The following MLXIP variants were observed in gnomAD, a reference collection of about 807,000 sequenced individuals.
MLXIP encodes the protein MLX-interacting protein.
A neutral mutation model predicts 87.2 loss-of-function variants in MLXIP; 30 were observed. That is an observed-to-expected ratio of 0.34 (90% CI 0.26 to 0.47). MLXIP has a LOEUF of 0.47. MLXIP is among the 20% of genes least tolerant of loss of function. The probability of loss-of-function intolerance (pLI) is 1.00; values close to 1 mark genes in which losing one functional copy is unlikely to be tolerated. For synonymous variants in MLXIP, 530 were observed against 514.0 expected, an observed-to-expected ratio of 1.03 and a Z score of -0.42; for missense variants, 1,002 against 1,240.1, an observed-to-expected ratio of 0.81 and a Z score of 2.88.
rs1315411715 is a variant in MLXIP at position 122,092,727 on chromosome 12, GGAT to G, written c.413+13463_413+13465del. ...GGACTGTTTGCATAGGGTAATTTTG[GGAT>G]GGGGGAAAGGGACAATACTTTGAAC... On this transcript the variant is annotated intron_variant, in intron 1 of 16. Coordinates refer to ENST00000319080, the MANE Select transcript of MLXIP (RefSeq NM_014938.6). 5.9e-5 allele frequency among the ~76,000 whole-genome samples: 9 copies of G among 152,150 alleles called. 1 individual carries two copies. The highest frequency in any genetic ancestry group is 3.9e-4 in the Admixed American group (6 of 15,272).
At chr12:122,113,801 C>G (rs1462966161) in intron 1 of MLXIP, among the ~76,000 whole-genome samples, 2 of 150,666 alleles carry the variant, frequency 1.3e-5, no homozygotes, top group Non-Finnish European at 2.9e-5. Flanking sequence ...TCTCCTGCGT[C>G]AGCCTCCCGA....
At chr12:122,141,585 C>T (rs768134225) in intron 16 of MLXIP, 106 bp from the exon 17 acceptor site, 37 of 1,508,986 alleles carry the variant, frequency 2.5e-5, no homozygotes, top group Middle Eastern at 1.8e-4. Context: ...GGCTGCTGCT[C>T]GCCCCGTGCC....
At chr12:122,087,889 C>T (rs1952191335) in intron 1 of MLXIP, among the ~76,000 whole-genome samples, 1 of 152,086 alleles carries the variant, frequency 6.6e-6, no homozygotes, top group Admixed American at 6.5e-5. Context: ...TTGGACCTGG[C>T]AGATGAAAGG....
rs1374549386 is a variant in MLXIP at position 122,079,249 on chromosome 12, C to T, written c.396C>T (p.Cys132=). ...CCTCGCTCACCAAGCTCTTCGAGTG[C>T]ATGACTTTGGCCTACAGGTAGGGAC... ...IDASLTKLFE[C]MTLAYSGKLV... Residue 132 remains cysteine, a synonymous_variant, in exon 1 of 17, where the codon TGC becomes TGT. Transcript: ENST00000319080. The T allele has an allele frequency of 3.9e-6, 6 of 1,550,538 alleles. No homozygotes were observed. Among genetic ancestry groups the T allele is most frequent in the South Asian group, 1.2e-5 (1 of 83,998 alleles).
intron 1 of MLXIP, among the ~76,000 whole-genome samples, chr12:122,094,322 GGT>G (rs1201891463): frequency 2.8e-5 from 4 of 142,948 alleles, no homozygotes; most frequent in Admixed American, 7.0e-5. Flanking sequence ...GTGGTGTGTT[GGT>G]GTGTGTGTGG....
rs749838870 is a variant in MLXIP at position 122,079,300 on chromosome 12, C to T, written c.413+34C>T. Reference sequence around the variant, plus strand: ...CCCCGCGACCCCCTGAGGCCCCGGCCGGAGGCCCTTGTTTGACAAAACAAG... The same window carrying T: ...CCCCGCGACCCCCTGAGGCCCCGGCTGGAGGCCCTTGTTTGACAAAACAAG... On this transcript the variant is annotated intron_variant, in intron 1 of 16. Transcript: ENST00000319080. 3.3e-5 allele frequency: 50 copies of T among 1,535,118 alleles called. No individual in the cohort carries two copies. In the East Asian group the frequency reaches 6.2e-4, roughly 19 times the overall value.
At chr12:122,126,660 G>A (rs1236373879) in intron 1 of MLXIP, among the ~76,000 whole-genome samples, 1 of 152,196 alleles carries the variant, frequency 6.6e-6, no homozygotes, top group Non-Finnish European at 1.5e-5. Flanking sequence ...TTTGCACTCT[G>A]TGGTCAACAG....
chr12:122,079,279 G>A lies in MLXIP; in HGVS notation c.413+13G>A. 2 of 1,546,898 alleles carry A rather than the reference G, an allele frequency of 1.3e-6. No homozygotes were observed. The highest frequency in any genetic ancestry group is 8.7e-7 in the Non-Finnish European group (1 of 1,144,694). ...CTTTGGCCTACAGGTAGGGACCCCC[G>A]CGACCCCCTGAGGCCCCGGCCGGAG... On this transcript the variant is annotated intron_variant, in intron 1 of 16. Coordinates refer to ENST00000319080, the MANE Select transcript of MLXIP (RefSeq NM_014938.6).
intron 1 of MLXIP, among the ~76,000 whole-genome samples, chr12:122,101,408 A>C (rs770205099): frequency 6.6e-6 from 1 of 151,192 alleles, no homozygotes; most frequent in Non-Finnish European, 1.5e-5. Context: ...TTGTCTTTTG[A>C]AGAACAAAAG....
chr12:122,140,644 TGTAA>T (rs1565991357), intron 15 of MLXIP, among the ~76,000 whole-genome samples: 1 of 152,208 alleles, frequency 6.6e-6, no homozygotes, highest in Admixed American at 6.5e-5. Flanking sequence ...TGGCACTGTA[TGTAA>T]GAACGATTTT....
chr12:122,079,479 C>T (rs955019850), intron 1 of MLXIP, among the ~76,000 whole-genome samples: 2 of 152,186 alleles, frequency 1.3e-5, no homozygotes, highest in Admixed American at 1.3e-4. Flanking sequence ...GGGGTCCTTT[C>T]GGGTTCACGT....
chr12:122,126,440 A>T (rs1224573744), intron 1 of MLXIP, among the ~76,000 whole-genome samples: 3 of 152,110 alleles, frequency 2.0e-5, no homozygotes, highest in East Asian at 1.9e-4. Flanking sequence ...CTCAGAGGAG[A>T]TGGTGTCGGG....
chr12:122,096,706 C>G (rs1232130492), intron 1 of MLXIP, among the ~76,000 whole-genome samples: 2 of 152,190 alleles, frequency 1.3e-5, no homozygotes, highest in South Asian at 4.1e-4. Context: ...GCAGCATGCC[C>G]GCAGGACTGA....
At chr12:122,127,640 T>G (rs1365169585) in intron 2 of MLXIP, among the ~76,000 whole-genome samples, 1 of 152,244 alleles carries the variant, frequency 6.6e-6, no homozygotes, top group Admixed American at 6.5e-5. Flanking sequence ...AGGGCAGGCT[T>G]GTGTTGGGCT....
Position 122,141,745 on chromosome 12 carries a change from C to A in MLXIP, c.2693C>A (p.Pro898Gln). The A allele has an allele frequency of 6.2e-7, 1 of 1,613,876 alleles. No individual in the cohort carries two copies. Among genetic ancestry groups the A allele is most frequent in the Non-Finnish European group, 8.5e-7 (1 of 1,179,892 alleles). Reference sequence around the variant, plus strand: ...ACCTCCACCTCCATCCTCACAGACCCGGCACAGCTGCCAGAGCAGGCGTCC... The same window carrying A: ...ACCTCCACCTCCATCCTCACAGACCAGGCACAGCTGCCAGAGCAGGCGTCC... Reference protein sequence around the residue: ...LSTSTSILTDPAQLPEQASKA... With the variant: ...LSTSTSILTDQAQLPEQASKA... The change falls in exon 17 of 17, where the codon CCG becomes CAG. Residue 898 changes from proline (P) to glutamine (Q), a missense_variant. This residue lies in a region of MLXIP where 746 missense variants were observed against 897.0 expected (regional missense o/e 0.83). Transcript: ENST00000319080.
intron 1 of MLXIP, among the ~76,000 whole-genome samples, chr12:122,109,141 C>T (rs1021986940): frequency 6.6e-6 from 1 of 152,212 alleles, no homozygotes; most frequent in African/African-American, 2.4e-5. Context: ...CCATGTTGGC[C>T]ATGCTGGTCT....
In MLXIP at chr12:122,143,759, T is replaced by G. The variant is rs1202852848; in HGVS notation, c.*1947T>G. On this transcript the variant is annotated 3_prime_UTR_variant, in exon 17 of 17. Coordinates refer to ENST00000319080, the MANE Select transcript of MLXIP (RefSeq NM_014938.6). Reference sequence around the variant, plus strand: ...CAGTGGCTTTCTCCCCACCCCTTGCTGGGGAGTCATTTTTAAAAAAATCTG... The same window carrying G: ...CAGTGGCTTTCTCCCCACCCCTTGCGGGGGAGTCATTTTTAAAAAAATCTG... 2.6e-5 allele frequency: 4 copies of G among 152,226 alleles called. 1 individual carries two copies. The allele number at this position is 152,226 out of a possible 1,614,324, so 9.4% of individuals were successfully genotyped here. A position where few individuals can be genotyped will look rare whatever the true frequency, so the allele number is the denominator to read the frequency against.
intron 6 of MLXIP, among the ~76,000 whole-genome samples, chr12:122,130,615 G>A (rs537867283): frequency 3.9e-4 from 59 of 151,538 alleles, no homozygotes; most frequent in African/African-American, 1.4e-3. Context: ...CAGCTTCCTG[G>A]GGTGTCCATT....
chr12:122,084,357 A>T (rs540583736), intron 1 of MLXIP, among the ~76,000 whole-genome samples: 1 of 152,260 alleles, frequency 6.6e-6, no homozygotes, highest in African/African-American at 2.4e-5. Flanking sequence ...TTGCTTGTAG[A>T]CGCTGGTTGG....
Sources: gnomAD v4.1 joint callset for allele counts (sites outside exome capture counted in the v4.1 genomes callset) on GRCh38, gnomAD v4.1.1 for gene constraint, gnomAD v4.1.1 regional missense constraint, MANE v1.5 for transcripts, NCBI Gene and HGNC (gene_info 2026-07-23, HGNC 2026-07-21) for gene names.